Variants in SUPT3H observed in about 807,000 individuals in gnomAD.
SUPT3H encodes transcription initiation protein SPT3 homolog.
Under a neutral mutation model 44.3 loss-of-function variants are expected in SUPT3H, and 44 were observed. The observed-to-expected ratio is 0.99, with a 90% CI of 0.78 to 1.28. SUPT3H has a LOEUF of 1.28. SUPT3H is among the 50% of genes most tolerant of loss of function. SUPT3H has a pLI of 0.00. For missense variants in SUPT3H, 380 were observed against 387.1 expected, an observed-to-expected ratio of 0.98 and a Z score of 0.15; for synonymous variants, 124 against 125.6, an observed-to-expected ratio of 0.99 and a Z score of 0.09.
chr6:45,241,634 G>A (rs1016922893), intron 2 of SUPT3H, among the ~76,000 whole-genome samples: 1 of 152,112 alleles, frequency 6.6e-6, no homozygotes, highest in Non-Finnish European at 1.5e-5. Context: ...CGCTATATTT[G>A]TGTGTGTGTC....
At chr6:44,988,050 C>T (rs1582918487) in intron 6 of SUPT3H, among the ~76,000 whole-genome samples, 1 of 152,006 alleles carries the variant, frequency 6.6e-6, no homozygotes, top group East Asian at 1.9e-4. Flanking sequence ...TGTTCTGCTA[C>T]TGAGGAATAG....
chr6:45,020,670 C>A (rs762559085), intron 3 of SUPT3H, 38 bp from the exon 4 acceptor site: 1 of 1,480,654 alleles, frequency 6.8e-7, no homozygotes, highest in East Asian at 2.3e-5. Flanking sequence ...TTCTCAGTAA[C>A]ACAAATTATA....
intron 10 of SUPT3H, among the ~76,000 whole-genome samples, chr6:44,883,887 T>G (rs1479873189): frequency 6.6e-6 from 1 of 152,134 alleles, no homozygotes. Flanking sequence ...GGATTAAAAC[T>G]TAAACATAAG....
intron 2 of SUPT3H, among the ~76,000 whole-genome samples, chr6:45,229,564 A>G (rs1230673835): frequency 1.3e-5 from 2 of 152,170 alleles, no homozygotes; most frequent in Non-Finnish European, 2.9e-5. Context: ...TTGCTGATAC[A>G]ATTATCAGCC....
chr6:45,156,983 C>T (rs1179081959), intron 2 of SUPT3H, among the ~76,000 whole-genome samples: 1 of 152,036 alleles, frequency 6.6e-6, no homozygotes, highest in Non-Finnish European at 1.5e-5. Context: ...ACCACCTATA[C>T]TTGATCTGTT....
intron 10 of SUPT3H, among the ~76,000 whole-genome samples, chr6:44,914,506 C>T (rs1163582784): frequency 1.3e-5 from 2 of 152,134 alleles, no homozygotes; most frequent in Non-Finnish European, 2.9e-5. Context: ...CATTATTTTG[C>T]CTTGGATTCA....
intron 2 of SUPT3H, among the ~76,000 whole-genome samples, chr6:45,214,876 C>G (rs974920012): frequency 6.6e-6 from 1 of 152,130 alleles, no homozygotes; most frequent in African/African-American, 2.4e-5. Flanking sequence ...CTTGTAACCC[C>G]CTCACGACCG....
chr6:45,083,908 C>T (rs1381018196), intron 3 of SUPT3H, among the ~76,000 whole-genome samples: 1 of 152,154 alleles, frequency 6.6e-6, no homozygotes, highest in Non-Finnish European at 1.5e-5. Flanking sequence ...TCATTGGATA[C>T]ATTTAGCTAG....
chr6:44,988,614 A>C (rs943611038), intron 6 of SUPT3H, among the ~76,000 whole-genome samples: 4 of 151,324 alleles, frequency 2.6e-5, no homozygotes, highest in Non-Finnish European at 4.4e-5. Flanking sequence ...GTTAAATAAA[A>C]ATTTTCCTAT....
intron 2 of SUPT3H, among the ~76,000 whole-genome samples, chr6:45,364,617 C>T (rs992822785): frequency 7.2e-5 from 11 of 152,082 alleles, no homozygotes; most frequent in African/African-American, 2.7e-4. Flanking sequence ...TCACTTAATG[C>T]AAGAAACCAG....
chr6:44,932,950 C>T lies in SUPT3H; in HGVS notation c.802-187G>A, dbSNP rs377398474. Among the ~76,000 whole-genome samples the T allele has an allele frequency of 3.2e-4, 49 of 152,244 alleles. 2 individuals carry two copies. Among genetic ancestry groups the T allele is most frequent in the East Asian group, 3.1e-3 (16 of 5,172 alleles). ...AATCAAAGATGACTTTTACATGACC[C>T]CTTTCTAGCAGACCTACCAAACGCA... On this transcript the variant is annotated intron_variant, in intron 9 of 10. Coordinates refer to ENST00000371459, the MANE Select transcript of SUPT3H (RefSeq NM_003599.4).
chr6:45,375,419 A>G (rs1258271754), intron 1 of SUPT3H, among the ~76,000 whole-genome samples: 2 of 152,204 alleles, frequency 1.3e-5, no homozygotes, highest in African/African-American at 4.8e-5. Context: ...AAGATACTAT[A>G]GTCACCCATA....
Position 44,967,327 on chromosome 6 carries a change from T to C in SUPT3H, c.505-5499A>G, listed in dbSNP as rs143460441. Among the ~76,000 whole-genome samples the C allele has an allele frequency of 8.5e-4, 130 of 152,358 alleles. 1 individual carries two copies. The highest frequency in any genetic ancestry group is 3.0e-3 in the African/African-American group (125 of 41,594). On this transcript the variant is annotated intron_variant, in intron 6 of 10. Transcript: ENST00000371459. ...AAAACATACAGAGAAGGCAGACTTT[T>C]ATGCTAGATGAACTCACTTTCTGCG...
chr6:44,859,239 T>C (rs957679681), intron 10 of SUPT3H, among the ~76,000 whole-genome samples: 2 of 152,138 alleles, frequency 1.3e-5, no homozygotes, highest in African/African-American at 4.8e-5. Context: ...GTGATGAAAA[T>C]AACTTATAGA....
chr6:45,151,603 TAA>T (rs572696276), intron 2 of SUPT3H, among the ~76,000 whole-genome samples: 100 of 152,302 alleles, frequency 6.6e-4, no homozygotes, highest in African/African-American at 2.2e-3. Context: ...TAAAACAAGT[TAA>T]AAGTGTTTAA....
chr6:45,141,112 G>A (rs1354191036), intron 2 of SUPT3H, among the ~76,000 whole-genome samples: 2 of 151,970 alleles, frequency 1.3e-5, no homozygotes, highest in African/African-American at 4.8e-5. Flanking sequence ...GGCCAAGGCG[G>A]GTGGATCACC....
At chr6:45,304,046 A>T (rs1447430576) in intron 2 of SUPT3H, among the ~76,000 whole-genome samples, 1 of 152,106 alleles carries the variant, frequency 6.6e-6, no homozygotes, top group Non-Finnish European at 1.5e-5. Flanking sequence ...TTAATAGACT[A>T]TATACTGTAG....
intron 2 of SUPT3H, among the ~76,000 whole-genome samples, chr6:45,221,686 A>G (rs2153635744): frequency 6.6e-6 from 1 of 152,276 alleles, no homozygotes; most frequent in Non-Finnish European, 1.5e-5. Context: ...TTTAATTCCT[A>G]TTATAATCCC....
chr6:45,194,886 T>C lies in SUPT3H; in HGVS notation c.102-88880A>G, dbSNP rs183909897. Among the ~76,000 whole-genome samples, 92 of 152,314 alleles carry C rather than the reference T, an allele frequency of 6.0e-4. No homozygotes were observed. In the Middle Eastern group the frequency reaches 0.017, roughly 28 times the overall value. On this transcript the variant is annotated intron_variant, in intron 2 of 10. Transcript: ENST00000371459. ...TTTTATTCCAAAAGAAGCTGACTAC[T>C]ATACTTTAGACAAATTTATCTGTTT...
Sources: gnomAD v4.1 joint callset for allele counts (sites outside exome capture counted in the v4.1 genomes callset) on GRCh38, gnomAD v4.1.1 for gene constraint, MANE v1.5 for transcripts, NCBI Gene and HGNC (gene_info 2026-07-23, HGNC 2026-07-21) for gene names.